The following LINGO2 variants were observed in gnomAD, a reference collection of about 807,000 sequenced individuals.
The protein encoded by LINGO2 is leucine-rich repeat and immunoglobulin-like domain-containing nogo receptor-interacting protein 2.
A neutral mutation model predicts 30.6 loss-of-function variants in LINGO2; 14 were observed. The ratio of observed to expected loss-of-function variants is 0.46; its 90% confidence interval spans 0.30 to 0.72. LINGO2 has a LOEUF of 0.72. Among genes scored for constraint, LINGO2 ranks in the 30% least tolerant of loss-of-function variants. The probability of loss-of-function intolerance (pLI) is 0.07; values close to 1 mark genes in which losing one functional copy is unlikely to be tolerated. For synonymous variants in LINGO2, 317 were observed against 288.5 expected, an observed-to-expected ratio of 1.10 and a Z score of -1.00; for missense variants, 729 against 751.7, an observed-to-expected ratio of 0.97 and a Z score of 0.35.
chr9:28,951,564 C>T, the LINGO2 span, among the ~76,000 whole-genome samples: 1 of 152,126 alleles, frequency 6.6e-6, no homozygotes, highest in African/African-American at 2.4e-5. Flanking sequence ...GGTGCCACCC[C>T]CAGGTGGCTC....
At chr9:28,102,587 G>A (rs1009413417) in intron 4 of LINGO2, among the ~76,000 whole-genome samples, 1 of 147,652 alleles carries the variant, frequency 6.8e-6, no homozygotes, top group African/African-American at 2.6e-5. Flanking sequence ...CAGCTGGGAA[G>A]GGAAAGGGGT....
chr9:28,857,079 T>C, the LINGO2 span, among the ~76,000 whole-genome samples: 2 of 152,020 alleles, frequency 1.3e-5, no homozygotes, highest in African/African-American at 2.4e-5. Flanking sequence ...AGTTTAAATA[T>C]GTAGATTTTG....
chr9:28,188,177 G>C (rs1397416106), intron 4 of LINGO2, among the ~76,000 whole-genome samples: 1 of 152,080 alleles, frequency 6.6e-6, no homozygotes, highest in Non-Finnish European at 1.5e-5. Context: ...CAGCTGACAG[G>C]CTTTTCAAAT....
intron 4 of LINGO2, among the ~76,000 whole-genome samples, chr9:28,095,110 C>T (rs1469650114): frequency 6.6e-6 from 1 of 152,092 alleles, no homozygotes; most frequent in Non-Finnish European, 1.5e-5. Context: ...AAAACAATTA[C>T]ATATTTTATT....
the LINGO2 span, among the ~76,000 whole-genome samples, chr9:29,182,026 G>A: frequency 1.3e-5 from 2 of 152,132 alleles, no homozygotes; most frequent in African/African-American, 2.4e-5. Flanking sequence ...ATGGCCATGG[G>A]GGTGGCCCTG....
chr9:28,011,427 A>G (rs1366465407), intron 5 of LINGO2, among the ~76,000 whole-genome samples: 1 of 152,168 alleles, frequency 6.6e-6, no homozygotes, highest in Non-Finnish European at 1.5e-5. Context: ...AAAGAGTCAG[A>G]ATGCCTGACT....
intron 2 of LINGO2, among the ~76,000 whole-genome samples, chr9:28,412,353 A>G (rs1002917666): frequency 6.6e-6 from 1 of 152,088 alleles, no homozygotes; most frequent in African/African-American, 2.4e-5. Flanking sequence ...TTCTTTTAAA[A>G]TATCTATTCA....
chr9:28,988,748 C>A, the LINGO2 span, among the ~76,000 whole-genome samples: 1 of 152,160 alleles, frequency 6.6e-6, no homozygotes. Context: ...AAACCATGAG[C>A]CCAGGGAAAT....
chr9:28,587,662 G>C (rs531219331), intron 1 of LINGO2, among the ~76,000 whole-genome samples: 1 of 151,820 alleles, frequency 6.6e-6, no homozygotes, highest in South Asian at 2.1e-4. Context: ...ACAAAGCAAA[G>C]GTCATAGCAA....
the LINGO2 span, among the ~76,000 whole-genome samples, chr9:29,182,655 G>C: frequency 2.7e-4 from 40 of 150,648 alleles, no homozygotes; most frequent in Non-Finnish European, 5.0e-4. Flanking sequence ...CCACCTGTTA[G>C]CCAAGGAAAG....
intron 4 of LINGO2, among the ~76,000 whole-genome samples, chr9:28,084,694 T>C (rs964774663): frequency 1.3e-5 from 2 of 152,162 alleles, no homozygotes; most frequent in African/African-American, 4.8e-5. Context: ...ATCTGTACTA[T>C]GGTATTTACC....
At chr9:28,999,250 A>G in the LINGO2 span, among the ~76,000 whole-genome samples, 1 of 152,100 alleles carries the variant, frequency 6.6e-6, no homozygotes, top group Non-Finnish European at 1.5e-5. Flanking sequence ...TGATAACTCT[A>G]TCTGATCAGA....
At chr9:29,006,756 T>A in the LINGO2 span, among the ~76,000 whole-genome samples, 2 of 152,060 alleles carry the variant, frequency 1.3e-5, no homozygotes, top group Non-Finnish European at 1.5e-5. Context: ...CGTATCACCT[T>A]ACATGATCAA....
chr9:29,166,856 T>C, the LINGO2 span, among the ~76,000 whole-genome samples: 12 of 152,136 alleles, frequency 7.9e-5, no homozygotes, highest in African/African-American at 2.7e-4. Context: ...GATGCTCATA[T>C]TACTGAACGC....
chr9:28,785,818 T>A, the LINGO2 span, among the ~76,000 whole-genome samples: 1 of 152,210 alleles, frequency 6.6e-6, no homozygotes, highest in African/African-American at 2.4e-5. Context: ...GCAATGGGTA[T>A]GCTAACAAAG....
intron 5 of LINGO2, among the ~76,000 whole-genome samples, chr9:27,992,291 C>T (rs535937258): frequency 2.3e-4 from 35 of 152,196 alleles, no homozygotes; most frequent in African/African-American, 7.9e-4. Context: ...GCAGTGGATA[C>T]ATGCAAAATA....
intron 4 of LINGO2, among the ~76,000 whole-genome samples, chr9:28,067,113 A>C (rs1350367760): frequency 6.6e-6 from 1 of 152,112 alleles, no homozygotes; most frequent in African/African-American, 2.4e-5. Flanking sequence ...CAAAGTTTCA[A>C]AATATTCAGG....
chr9:27,994,970 T>C (rs1821585166), intron 5 of LINGO2, among the ~76,000 whole-genome samples: 1 of 152,150 alleles, frequency 6.6e-6, no homozygotes, highest in African/African-American at 2.4e-5. Flanking sequence ...TTGGCTAAAT[T>C]AGTCACTTGG....
chr9:27,977,761 C>G (rs903563211), intron 5 of LINGO2, among the ~76,000 whole-genome samples: 12 of 151,228 alleles, frequency 7.9e-5, no homozygotes, highest in Admixed American at 7.9e-4. Flanking sequence ...CTGACAACCT[C>G]ACGTTGGCAA....
Sources: allele counts gnomAD v4.1 joint callset (sites outside exome capture counted in the v4.1 genomes callset), GRCh38; gene constraint gnomAD v4.1.1; transcripts MANE v1.5; gene names NCBI Gene and HGNC (gene_info 2026-07-23, HGNC 2026-07-21).